IL26: variants seen among roughly 807,000 people sequenced by gnomAD.
IL26 encodes the protein interleukin-26.
In IL26, 23 loss-of-function variants were observed where a neutral mutation model predicts 21.7. That is an observed-to-expected ratio of 1.06 (90% CI 0.76 to 1.50). IL26 has a LOEUF of 1.50. Ranked by LOEUF, IL26 falls within the 40% of genes most tolerant of loss-of-function variation. The probability of loss-of-function intolerance (pLI) is 0.00; values close to 1 mark genes in which losing one functional copy is unlikely to be tolerated. For synonymous variants in IL26, 63 were observed against 67.8 expected (o/e 0.93, Z 0.34); for missense variants, 204 against 196.0 (o/e 1.04, Z -0.24).
chr12:68,203,509 C>G (rs1259617634), intron 3 of IL26, among the ~76,000 whole-genome samples: 1 of 152,190 alleles, frequency 6.6e-6, no homozygotes, highest in Non-Finnish European at 1.5e-5. Context: ...AATAGTGTCA[C>G]TATCTAACAG....
At position 68,202,017 on chromosome 12, in the gene IL26, C is replaced by G; in HGVS notation, c.429+1G>C. ...TTAATATAAGGATTTAGAATTCTTACCCTATAAAATATTCTTTTCATCCTG... is the reference window on the plus strand; with the variant it reads ...TTAATATAAGGATTTAGAATTCTTAGCCTATAAAATATTCTTTTCATCCTG... On this transcript the variant is annotated splice_donor_variant, in intron 4 of 4. Transcript: ENST00000229134. LOFTEE classifies it high-confidence loss of function. The G allele has an allele frequency of 6.4e-7, 1 of 1,565,604 alleles. No homozygotes were observed. Among genetic ancestry groups the G allele is most frequent in the Non-Finnish European group, 8.7e-7 (1 of 1,149,154 alleles).
chr12:68,214,186 TTC>T (rs2120451064), intron 3 of IL26, among the ~76,000 whole-genome samples: 1 of 152,308 alleles, frequency 6.6e-6, no homozygotes, highest in East Asian at 1.9e-4. Flanking sequence ...TGTTGTTTAT[TTC>T]TGTTTTATTC....
At chr12:68,220,960 T>A (rs11570995) in intron 3 of IL26, among the ~76,000 whole-genome samples, 4,718 of 152,306 alleles carry the variant, frequency 0.031, 248 homozygotes, top group African/African-American at 0.11. Context: ...TTCTCCCTTG[T>A]ATACAAATAT....
At chr12:68,202,511 C>T (rs989004707) in intron 3 of IL26, among the ~76,000 whole-genome samples, 6 of 152,144 alleles carry the variant, frequency 3.9e-5, no homozygotes, top group African/African-American at 1.4e-4. Context: ...AGAGAGGCCT[C>T]AGGAAACTTA....
chr12:68,203,736 C>G (rs1868451896), intron 3 of IL26, among the ~76,000 whole-genome samples: 1 of 152,168 alleles, frequency 6.6e-6, no homozygotes, highest in Non-Finnish European at 1.5e-5. Context: ...TTTTCTGGCT[C>G]TGCCCAAATT....
intron 3 of IL26, among the ~76,000 whole-genome samples, chr12:68,209,934 A>C (rs866581438): frequency 2.2e-4 from 34 of 152,278 alleles, no homozygotes; most frequent in African/African-American, 7.7e-4. Flanking sequence ...CCAGAGGGTA[A>C]GTGAAAAACC....
intron 3 of IL26, among the ~76,000 whole-genome samples, chr12:68,209,986 T>G (rs1189452403): frequency 1.3e-5 from 2 of 152,088 alleles, no homozygotes; most frequent in Non-Finnish European, 2.9e-5. Flanking sequence ...ATATACAACT[T>G]CAGACTGGAT....
At chr12:68,204,699 CT>C (rs1446212786) in intron 3 of IL26, among the ~76,000 whole-genome samples, 2 of 148,950 alleles carry the variant, frequency 1.3e-5, no homozygotes, top group African/African-American at 2.5e-5. Flanking sequence ...AAAAAAAAAA[CT>C]AGCAGTGCCA....
At chr12:68,219,418 T>C (rs1868984196) in intron 3 of IL26, among the ~76,000 whole-genome samples, 1 of 151,370 alleles carries the variant, frequency 6.6e-6, no homozygotes, top group Admixed American at 6.6e-5. Flanking sequence ...TAAATAACAC[T>C]CTTCTAATAA....
chr12:68,215,898 G>A (rs1441173845), intron 3 of IL26, among the ~76,000 whole-genome samples: 2 of 151,076 alleles, frequency 1.3e-5, no homozygotes, highest in Non-Finnish European at 3.0e-5. Flanking sequence ...TGGCCAGGCT[G>A]GTCTCAAACT....
In IL26 at chr12:68,201,615, C is replaced by T. The variant is rs1868391961; in HGVS notation, c.*230G>A. 5.4e-6 allele frequency: 2 copies of T among 372,612 alleles called. No homozygotes were observed. The highest frequency in any genetic ancestry group is 9.6e-6 in the Non-Finnish European group (2 of 208,626). 23.1% of individuals were successfully genotyped at this position (372,612 alleles called of 1,614,324 possible). ...CACAATGTACTTGTGAATGACAAAA[C>T]ATGTTCAGAATGGAAACATTATTTG... On this transcript the variant is annotated 3_prime_UTR_variant, in exon 5 of 5. Coordinates refer to ENST00000229134, the MANE Select transcript of IL26 (RefSeq NM_018402.2).
intron 3 of IL26, among the ~76,000 whole-genome samples, chr12:68,207,220 C>T (rs1331837877): frequency 6.6e-6 from 1 of 152,174 alleles, no homozygotes; most frequent in African/African-American, 2.4e-5. Flanking sequence ...TGTCAGGCAA[C>T]CTCAGCTGCA....
At chr12:68,218,548 G>GAA (rs11570928) in intron 3 of IL26, among the ~76,000 whole-genome samples, 2 of 151,844 alleles carry the variant, frequency 1.3e-5, no homozygotes, top group Admixed American at 1.3e-4. Context: ...AAAAGACTGG[G>GAA]AAAAAACAAC....
At chr12:68,208,598 G>A (rs1233676775) in intron 3 of IL26, among the ~76,000 whole-genome samples, 3 of 152,156 alleles carry the variant, frequency 2.0e-5, no homozygotes, top group Non-Finnish European at 4.4e-5. Flanking sequence ...CGTATCCTGG[G>A]TTCAAGCAAT....
At chr12:68,202,385 G>A (rs1868413860) in intron 3 of IL26, among the ~76,000 whole-genome samples, 1 of 152,180 alleles carries the variant, frequency 6.6e-6, no homozygotes. Flanking sequence ...TCAAGGAGGG[G>A]TCTTTTGAAA....
chr12:68,201,966 T>G, intron 4 of IL26, 35 bp from the exon 5 acceptor site: 1 of 1,560,374 alleles, frequency 6.4e-7, no homozygotes, highest in Non-Finnish European at 8.7e-7. Flanking sequence ...AGAATAAATT[T>G]TTCCTATTTT....
At chr12:68,205,892 C>T (rs1345680630) in intron 3 of IL26, among the ~76,000 whole-genome samples, 1 of 152,180 alleles carries the variant, frequency 6.6e-6, no homozygotes, top group Non-Finnish European at 1.5e-5. Flanking sequence ...TCTGGGATTG[C>T]TTCTTCTATG....
Position 68,225,597 on chromosome 12 carries a change from C to T in IL26, c.160G>A (p.Ala54Thr), listed in dbSNP as rs769779837. 4.3e-6 allele frequency: 7 copies of T among 1,613,906 alleles called. No homozygotes were observed. Among genetic ancestry groups the T allele is most frequent in the Non-Finnish European group, 5.9e-6 (7 of 1,179,832 alleles). ...ALYIKAAWLK[A>T]TIPEDRIKNI... Reference sequence around the variant, plus strand: ...AGCCTAATACTTACTGGAATCGTTGCTTTGAGCCATGCTGCTTTGATATAG... The same window carrying T: ...AGCCTAATACTTACTGGAATCGTTGTTTTGAGCCATGCTGCTTTGATATAG... Residue 54 changes from alanine to threonine, a missense_variant, in exon 1 of 5, where the codon GCA becomes ACA. By Grantham distance (58) the Ala-to-Thr change is moderately conservative. Transcript: ENST00000229134.
chr12:68,221,458 A>T (rs1261802258), intron 3 of IL26, among the ~76,000 whole-genome samples: 1 of 152,224 alleles, frequency 6.6e-6, no homozygotes. Context: ...AATGTTGCCT[A>T]TGAACAGGAA....
Sources: allele counts gnomAD v4.1 joint callset (sites outside exome capture counted in the v4.1 genomes callset), GRCh38; gene constraint gnomAD v4.1.1; transcripts MANE v1.5; gene names NCBI Gene and HGNC (gene_info 2026-07-23, HGNC 2026-07-21).